The following NHS variants were observed in gnomAD, a reference collection of about 807,000 sequenced individuals.
NHS encodes NHS actin remodeling regulator.
A neutral mutation model predicts 72.5 loss-of-function variants in NHS; 5 were observed. The ratio of observed to expected loss-of-function variants is 0.07; its 90% CI spans 0.04 to 0.14. The LOEUF (loss-of-function observed/expected upper bound fraction) is 0.14. Ranked by LOEUF, NHS falls within the 10% of genes least tolerant of loss-of-function variation. The pLI is 1.00. For missense variants in NHS, 1,072 were observed against 1,355.7 expected, an observed-to-expected ratio of 0.79 and a Z score of 3.29; for synonymous variants, 464 against 547.7, an observed-to-expected ratio of 0.85 and a Z score of 2.13.
At chrX:17,581,615 G>T (rs1172291772) in intron 1 of NHS, among the ~76,000 whole-genome samples, 2 of 111,743 alleles carry the variant, frequency 1.8e-5, no homozygotes, top group Non-Finnish European at 3.8e-5. Context: ...GTAAAATAAG[G>T]CTGCTGCAGC....
chrX:17,463,765 A>G (rs368208919), intron 1 of NHS, among the ~76,000 whole-genome samples: 2 of 112,280 alleles, frequency 1.8e-5, no homozygotes, highest in East Asian at 5.6e-4. Flanking sequence ...TGAAGACCTA[A>G]AGATCCAGGG....
chrX:17,455,267 T>G (rs2064821276), intron 1 of NHS, among the ~76,000 whole-genome samples: 1 of 111,635 alleles, frequency 9.0e-6, no homozygotes, highest in African/African-American at 3.3e-5. Context: ...TTCACAAGAC[T>G]AATAGCTACC....
intron 1 of NHS, among the ~76,000 whole-genome samples, chrX:17,459,921 A>G (rs988057399): frequency 5.3e-5 from 6 of 112,359 alleles, no homozygotes; most frequent in African/African-American, 1.9e-4. Flanking sequence ...TGAGCTTTAT[A>G]AACAAGAGGC....
rs1156697019 is a variant in NHS at position 17,379,420 on chromosome X, A to G, written c.565+3098A>G. Among the ~76,000 whole-genome samples, 3 of 109,005 alleles carry G rather than the reference A, an allele frequency of 2.8e-5. No individual in the cohort carries two copies. The East Asian group carries it at 8.6e-4, about 31-fold the overall frequency. The allele number at this position is 109,005 out of a possible 115,157, so 94.7% of individuals were successfully genotyped here. On this transcript the variant is annotated intron_variant, in intron 1 of 8. Transcript: ENST00000676302. ...TGATTTGATTGGGTACAGGTTGTGG[A>G]AAAAAAAAATAATTTAGGATGACTC...
At chrX:17,522,536 A>C (rs1167080586) in intron 1 of NHS, among the ~76,000 whole-genome samples, 1 of 75,559 alleles carries the variant, frequency 1.3e-5, no homozygotes, top group Non-Finnish European at 2.3e-5. Flanking sequence ...GAAGCAGCCC[A>C]GGGCCGTCTG....
intron 1 of NHS, among the ~76,000 whole-genome samples, chrX:17,420,080 T>C (rs768949597): frequency 1.8e-5 from 2 of 111,816 alleles, no homozygotes; most frequent in South Asian, 7.6e-4. Context: ...CTTTCTAAAA[T>C]GAGCTTGCAT....
chrX:17,597,377 G>A (rs1282045461), intron 1 of NHS, among the ~76,000 whole-genome samples: 1 of 108,353 alleles, frequency 9.2e-6, no homozygotes, highest in African/African-American at 3.4e-5. Context: ...CGCCCACCTC[G>A]GCCTCCCAAA....
At chrX:17,514,910 G>T (rs1052611236) in intron 1 of NHS, among the ~76,000 whole-genome samples, 5 of 111,414 alleles carry the variant, frequency 4.5e-5, no homozygotes, top group African/African-American at 9.8e-5. Flanking sequence ...AGAAATGTGT[G>T]GGGGGGCAGA....
intron 1 of NHS, among the ~76,000 whole-genome samples, chrX:17,557,002 C>G (rs1034160784): frequency 1.3e-4 from 14 of 107,025 alleles, no homozygotes; most frequent in African/African-American, 4.5e-4. Flanking sequence ...ATATATATAA[C>G]GTACTGTTGA....
intron 1 of NHS, among the ~76,000 whole-genome samples, chrX:17,587,930 C>T (rs999849858): frequency 1.8e-5 from 2 of 112,149 alleles, no homozygotes; most frequent in Admixed American, 9.4e-5. Flanking sequence ...AAGACAGAGG[C>T]GAGTAATCAG....
chrX:17,490,833 T>G (rs2064987758), intron 1 of NHS, among the ~76,000 whole-genome samples: 1 of 111,195 alleles, frequency 9.0e-6, no homozygotes, highest in African/African-American at 3.3e-5. Flanking sequence ...CTTGAAGAGG[T>G]CCTTCACATC....
intron 1 of NHS, among the ~76,000 whole-genome samples, chrX:17,632,587 A>C (rs1438197894): frequency 1.0e-5 from 1 of 96,845 alleles, no homozygotes; most frequent in Non-Finnish European, 1.9e-5. Flanking sequence ...GGGCTTCATC[A>C]GTGATTAAAA....
chrX:17,700,210 A>G (rs1419819637), intron 3 of NHS, among the ~76,000 whole-genome samples: 1 of 111,011 alleles, frequency 9.0e-6, no homozygotes, highest in Non-Finnish European at 1.9e-5. Context: ...TGGGAGGCTC[A>G]GGTGGGAGGA....
At chrX:17,388,543 C>G (rs1488926752) in intron 1 of NHS, among the ~76,000 whole-genome samples, 1 of 109,850 alleles carries the variant, frequency 9.1e-6, no homozygotes, top group Non-Finnish European at 1.9e-5. Context: ...TGAGAGCATG[C>G]CTGGTGTGAT....
At chrX:17,431,023 T>A (rs150136512) in intron 1 of NHS, among the ~76,000 whole-genome samples, 2,419 of 111,947 alleles carry the variant, frequency 0.022, 33 homozygotes, top group Admixed American at 0.044. Context: ...ATATGATAAC[T>A]CCATGTTTAA....
intron 1 of NHS, among the ~76,000 whole-genome samples, chrX:17,521,549 G>C (rs2065149000): frequency 9.1e-6 from 1 of 110,413 alleles, no homozygotes; most frequent in Admixed American, 9.6e-5. Context: ...CTTTAGTAGA[G>C]ACAGGGTCTT....
chrX:17,591,634 C>T (rs1026597523), intron 1 of NHS, among the ~76,000 whole-genome samples: 2 of 111,474 alleles, frequency 1.8e-5, no homozygotes, highest in Non-Finnish European at 3.8e-5. Flanking sequence ...GCCCGAGGTG[C>T]ACCAACTAAT....
intron 1 of NHS, among the ~76,000 whole-genome samples, chrX:17,531,478 G>A (rs542527089): frequency 1.8e-5 from 2 of 111,994 alleles, no homozygotes; most frequent in South Asian, 7.5e-4. Context: ...GTCTTTGGAG[G>A]TCTCCTTGTA....
At chrX:17,603,376 G>GT (rs1362524814) in intron 1 of NHS, among the ~76,000 whole-genome samples, 2 of 112,354 alleles carry the variant, frequency 1.8e-5, no homozygotes, top group African/African-American at 6.5e-5. Flanking sequence ...CCTTCTTTCT[G>GT]AAGAGTGAAT....
Sources: allele counts gnomAD v4.1 joint callset (sites outside exome capture counted in the v4.1 genomes callset), GRCh38; gene constraint gnomAD v4.1.1; transcripts MANE v1.5; gene names NCBI Gene and HGNC (gene_info 2026-07-23, HGNC 2026-07-21).